The following PUM2 variants were observed in gnomAD, a reference collection of about 807,000 sequenced individuals.
The protein encoded by PUM2 is pumilio RNA binding family member 2.
A neutral mutation model predicts 124.5 loss-of-function variants in PUM2; 57 were observed. The ratio of observed to expected loss-of-function variants is 0.46; its 90% CI spans 0.37 to 0.57. The LOEUF (loss-of-function observed/expected upper bound fraction) is 0.57. Among genes scored for constraint, PUM2 ranks in the 20% least tolerant of loss-of-function variants. The pLI, the probability that PUM2 is intolerant of heterozygous loss-of-function variation, is 0.00. For synonymous variants in PUM2, 460 were observed against 446.1 expected (o/e 1.03, Z -0.39); for missense variants, 1,065 against 1,290.6 (o/e 0.83, Z 2.68).
chr2:20,286,199 G>A (rs975247057), intron 10 of PUM2, among the ~76,000 whole-genome samples: 1 of 152,290 alleles, frequency 6.6e-6, no homozygotes, highest in Non-Finnish European at 1.5e-5. Flanking sequence ...GGACTCCATA[G>A]GGGAGAAAAG....
intron 12 of PUM2, among the ~76,000 whole-genome samples, chr2:20,282,013 T>C (rs1558540285): frequency 6.6e-6 from 1 of 152,168 alleles, no homozygotes; most frequent in Non-Finnish European, 1.5e-5. Context: ...AGAAAAGAGA[T>C]CAGAAACAGA....
intron 10 of PUM2, among the ~76,000 whole-genome samples, chr2:20,289,909 G>A (rs889889096): frequency 3.6e-4 from 54 of 151,996 alleles, no homozygotes; most frequent in African/African-American, 1.3e-3. Context: ...TATACCAAAA[G>A]TGAAAAAAAG....
chr2:20,271,302 T>C (rs1668954587), intron 13 of PUM2, among the ~76,000 whole-genome samples: 1 of 152,180 alleles, frequency 6.6e-6, no homozygotes, highest in African/African-American at 2.4e-5. Context: ...TTTAAAGTAT[T>C]ACAAACAAGA....
intron 13 of PUM2, among the ~76,000 whole-genome samples, chr2:20,268,715 T>C (rs947690788): frequency 6.6e-6 from 1 of 152,138 alleles, no homozygotes; most frequent in Non-Finnish European, 1.5e-5. Context: ...GAAATAAAAA[T>C]ATAAAACAGA....
chr2:20,290,167 G>A (rs961607739), intron 10 of PUM2, among the ~76,000 whole-genome samples: 2 of 152,022 alleles, frequency 1.3e-5, no homozygotes, highest in Non-Finnish European at 2.9e-5. Context: ...ACACATTATC[G>A]ACACTGTTGC....
At position 20,306,210 on chromosome 2, in the gene PUM2, AAAC is replaced by A. The variant is rs1160867760; in HGVS notation, c.883+1765_883+1767del. Among the ~76,000 whole-genome samples the A allele has an allele frequency of 9.8e-5, 15 of 152,318 alleles. 2 individuals carry two copies. Among genetic ancestry groups the A allele is most frequent in the African/African-American group, 3.4e-4 (14 of 41,572 alleles). ...AAACAACAAGACCTCCTTGTCAAAG[AAAC>A]AACAACAAAAACAATAACAACAAAA... On this transcript the variant is annotated intron_variant, in intron 7 of 20. Coordinates refer to ENST00000361078, the MANE Select transcript of PUM2 (RefSeq NM_015317.5).
chr2:20,263,450 T>C lies in PUM2; in HGVS notation c.1968A>G (p.Thr656=). 6.2e-7 allele frequency: 1 copy of C among 1,610,098 alleles called. No homozygotes were observed. The highest frequency in any genetic ancestry group is 8.5e-7 in the Non-Finnish European group (1 of 1,176,524). ...CAGAGATATATCGACCACTACCATTTGTCAGTCCTCCTACAACAAAGCAGC... is the reference window on the plus strand; with the variant it reads ...CAGAGATATATCGACCACTACCATTCGTCAGTCCTCCTACAACAAAGCAGC... ...SSSSLHLGGL[T]NGSGRYISAA... The change falls in exon 14 of 21, where the codon ACA becomes ACG. Residue 656 remains threonine, a synonymous_variant. Transcript: ENST00000361078.
chr2:20,252,246 G>A (rs741188), intron 20 of PUM2, among the ~76,000 whole-genome samples: 38,171 of 151,954 alleles, frequency 0.25, 5,391 homozygotes, highest in Non-Finnish European at 0.32. Context: ...TAGCGAGACC[G>A]CATCTCTACA....
chr2:20,325,091 A>G (rs1197957798), intron 2 of PUM2, among the ~76,000 whole-genome samples: 1 of 152,160 alleles, frequency 6.6e-6, no homozygotes, highest in African/African-American at 2.4e-5. Flanking sequence ...GAGAGAGGCA[A>G]AGAAGGAAAT....
intron 15 of PUM2, among the ~76,000 whole-genome samples, chr2:20,259,332 TA>T (rs1665614096): frequency 6.6e-6 from 1 of 152,250 alleles, no homozygotes; most frequent in Non-Finnish European, 1.5e-5. Context: ...TGAGTAGCAT[TA>T]ATTATATTCA....
At chr2:20,320,944 G>A (rs1558639981) in intron 2 of PUM2, among the ~76,000 whole-genome samples, 1 of 152,072 alleles carries the variant, frequency 6.6e-6, no homozygotes. Context: ...CATACTTCAT[G>A]AAGAAAAAAG....
chr2:20,255,132 T>C, intron 18 of PUM2, 84 bp downstream of exon 18: 4 of 1,489,864 alleles, frequency 2.7e-6, no homozygotes, highest in Non-Finnish European at 3.7e-6. Flanking sequence ...CTATAGTGTG[T>C]TTAGTAACAA....
chr2:20,345,000 A>AAG lies in PUM2; in HGVS notation c.-19+5596_-19+5597insCT, dbSNP rs1553412142. 4.5e-3 allele frequency among the ~76,000 whole-genome samples: 665 copies of AAG among 148,858 alleles called. 9 individuals are homozygous for AAG. The highest frequency in any genetic ancestry group is 0.016 in the African/African-American group (635 of 39,668). Reference sequence around the variant, plus strand: ...TCTGTCTCAAAAAAAAAAAAAAAAAAAAAAGAAAAGAAGATTCCGCTTTAC... The same window carrying AAG: ...TCTGTCTCAAAAAAAAAAAAAAAAAAAGAAAAGAAAAGAAGATTCCGCTTTAC... On this transcript the variant is annotated intron_variant, in intron 1 of 20. Transcript: ENST00000361078.
At chr2:20,350,496 C>G (rs1167933450) in intron 1 of PUM2, 101 bp downstream of exon 1, 1 of 985,554 alleles carries the variant, frequency 1.0e-6, no homozygotes, top group African/African-American at 1.7e-5. Flanking sequence ...TCCGCCCTCC[C>G]GCTGGCGATC....
chr2:20,278,897 A>G (rs1670880831), intron 12 of PUM2, 78 bp from the exon 13 acceptor site: 17 of 994,648 alleles, frequency 1.7e-5, no homozygotes, highest in South Asian at 4.4e-5. Context: ...TCGCTGGGCA[A>G]TAACAGAAGT....
chr2:20,336,748 CTGTGTGTGTGTGTGTGTG>C (rs70939037), intron 1 of PUM2, among the ~76,000 whole-genome samples: 360 of 97,496 alleles, frequency 3.7e-3, no homozygotes, highest in Middle Eastern at 0.026. Context: ...CCAGGCTGAT[CTGTGTGTGTGTGTGTGTG>C]TGTGTGTGTG....
intron 13 of PUM2, among the ~76,000 whole-genome samples, chr2:20,274,551 T>A (rs1374568463): frequency 2.0e-5 from 3 of 152,100 alleles, no homozygotes; most frequent in African/African-American, 7.2e-5. Context: ...CACAGCAAAC[T>A]AAAGCACAGC....
intron 13 of PUM2, among the ~76,000 whole-genome samples, chr2:20,277,397 A>G (rs954879176): frequency 6.6e-6 from 1 of 152,108 alleles, no homozygotes; most frequent in Non-Finnish European, 1.5e-5. Flanking sequence ...TAGTACTGCA[A>G]AGTGGATCTT....
chr2:20,321,129 C>T (rs1467122371), intron 2 of PUM2, among the ~76,000 whole-genome samples: 1 of 152,102 alleles, frequency 6.6e-6, no homozygotes, highest in Admixed American at 6.6e-5. Flanking sequence ...GGAGTGCCTT[C>T]AAAATGCTTT....
Sources: gnomAD v4.1 joint callset for allele counts (sites outside exome capture counted in the v4.1 genomes callset) on GRCh38, gnomAD v4.1.1 for gene constraint, MANE v1.5 for transcripts, NCBI Gene and HGNC (gene_info 2026-07-23, HGNC 2026-07-21) for gene names.